Variants in ASTN2 observed in about 807,000 individuals in gnomAD.
The protein encoded by ASTN2 is astrotactin 2.
ASTN2 carries 54 observed loss-of-function variants against 139.8 expected under a neutral mutation model. That is an observed-to-expected ratio of 0.39 (90% CI 0.31 to 0.48). The LOEUF (loss-of-function observed/expected upper bound fraction) is 0.48. Among genes scored for constraint, ASTN2 ranks in the 20% least tolerant of loss-of-function variants. The pLI, the probability that ASTN2 is intolerant of heterozygous loss-of-function variation, is 0.95. For missense variants in ASTN2, 1,565 were observed against 1,725.1 expected, an observed-to-expected ratio of 0.91 and a Z score of 1.64; for synonymous variants, 756 against 719.5, an observed-to-expected ratio of 1.05 and a Z score of -0.81.
At chr9:117,330,764 T>C (rs577745315) in intron 1 of ASTN2, among the ~76,000 whole-genome samples, 2 of 152,310 alleles carry the variant, frequency 1.3e-5, no homozygotes, top group East Asian at 3.9e-4. Context: ...CCTTTCTTTG[T>C]AGCTAGTTGT....
At chr9:116,455,725 C>T (rs1239935610) in intron 20 of ASTN2, among the ~76,000 whole-genome samples, 1 of 150,986 alleles carries the variant, frequency 6.6e-6, no homozygotes, top group African/African-American at 2.4e-5. Flanking sequence ...CCCAAGCCAT[C>T]CTTAAAATCT....
At chr9:117,388,302 C>T (rs533138560) in intron 1 of ASTN2, among the ~76,000 whole-genome samples, 5 of 152,286 alleles carry the variant, frequency 3.3e-5, no homozygotes, top group East Asian at 3.9e-4. Context: ...ATATCCCAGA[C>T]GGAACATCAA....
intron 3 of ASTN2, among the ~76,000 whole-genome samples, chr9:117,199,696 T>C (rs764011625): frequency 1.3e-5 from 2 of 152,064 alleles, no homozygotes; most frequent in Non-Finnish European, 1.5e-5. Context: ...GGGAATAGCA[T>C]TGAAGCTATA....
intron 5 of ASTN2, among the ~76,000 whole-genome samples, chr9:117,059,122 G>A (rs1454303791): frequency 6.6e-6 from 1 of 152,162 alleles, no homozygotes; most frequent in Non-Finnish European, 1.5e-5. Context: ...CTTGAATAGT[G>A]GTGACACTGG....
chr9:116,691,366 C>G (rs555106278), intron 16 of ASTN2, among the ~76,000 whole-genome samples: 1 of 152,286 alleles, frequency 6.6e-6, no homozygotes, highest in African/African-American at 2.4e-5. Context: ...TTGAGTCATA[C>G]TGGCAGCGTA....
chr9:117,304,308 C>G (rs1193020677), intron 1 of ASTN2, among the ~76,000 whole-genome samples: 1 of 152,202 alleles, frequency 6.6e-6, no homozygotes, highest in Non-Finnish European at 1.5e-5. Flanking sequence ...GTTGGGCTTT[C>G]CTGCTCTGTG....
intron 21 of ASTN2, among the ~76,000 whole-genome samples, chr9:116,441,176 T>C (rs892017640): frequency 6.6e-6 from 1 of 152,138 alleles, no homozygotes; most frequent in African/African-American, 2.4e-5. Flanking sequence ...CCTCCTTCTA[T>C]TTCCCCTTTG....
chr9:116,932,580 A>C (rs1198259373), intron 10 of ASTN2, among the ~76,000 whole-genome samples: 1 of 152,072 alleles, frequency 6.6e-6, no homozygotes, highest in African/African-American at 2.4e-5. Context: ...GGAGAGTTAC[A>C]TGCATGTGCC....
At chr9:116,900,190 G>A (rs1172786536) in intron 10 of ASTN2, among the ~76,000 whole-genome samples, 1 of 152,190 alleles carries the variant, frequency 6.6e-6, no homozygotes, top group Non-Finnish European at 1.5e-5. Flanking sequence ...TGTCTGTGCA[G>A]AGGGCAAGAA....
At position 116,698,987 on chromosome 9, in the gene ASTN2, T is replaced by C. The variant is rs1297665633; in HGVS notation, c.2806+26784A>G. 3 of 1,614,064 alleles carry C rather than the reference T, an allele frequency of 1.9e-6. No homozygotes were observed. Among genetic ancestry groups the C allele is most frequent in the African/African-American group, 2.7e-5 (2 of 74,948 alleles). On this transcript the variant is annotated intron_variant, in intron 16 of 22. Transcript: ENST00000313400. This position sits in a 1 kb window ranked among gnomAD's most constrained non-coding sequence, Gnocchi z 4.4. ...TCCGCCGCAGCCCCAGTGGCATTGA[T>C]AGCTTTGTGCTAAGCTTCCTTGGGG...
chr9:117,262,995 T>G (rs1438175541), intron 2 of ASTN2, among the ~76,000 whole-genome samples: 2 of 152,184 alleles, frequency 1.3e-5, no homozygotes, highest in Non-Finnish European at 1.5e-5. Context: ...ACATTGTTGC[T>G]GACACCTTGG....
intron 4 of ASTN2, among the ~76,000 whole-genome samples, chr9:117,130,372 G>A (rs1829798936): frequency 6.6e-6 from 1 of 152,038 alleles, no homozygotes; most frequent in Admixed American, 6.6e-5. Context: ...TATATTTACT[G>A]TAATTTCTGA....
chr9:117,375,480 G>A (rs905127271), intron 1 of ASTN2, among the ~76,000 whole-genome samples: 4 of 152,140 alleles, frequency 2.6e-5, no homozygotes, highest in African/African-American at 7.2e-5. Context: ...TAACTTCCAC[G>A]AGCAAGCATT....
chr9:116,485,674 C>A (rs1310345362), intron 20 of ASTN2, among the ~76,000 whole-genome samples: 1 of 152,196 alleles, frequency 6.6e-6, no homozygotes, highest in Non-Finnish European at 1.5e-5. Flanking sequence ...GCCCAGATGT[C>A]CCACTGGAAG....
Position 117,239,350 on chromosome 9 carries a change from G to A in ASTN2, c.631-24608C>T, listed in dbSNP as rs142850059. ...TACAAGTTGGGGAGAGACAACAGGA[G>A]GAGGTGGTAAAACCTGTCCACATGT... On this transcript the variant is annotated intron_variant, in intron 2 of 22. Coordinates refer to ENST00000313400, the MANE Select transcript of ASTN2 (RefSeq NM_001365068.1). Among the ~76,000 whole-genome samples the A allele has an allele frequency of 2.3e-3, 355 of 152,268 alleles. 4 individuals are homozygous for A. The highest frequency in any genetic ancestry group is 7.9e-3 in the African/African-American group (329 of 41,536).
At chr9:117,223,790 T>C (rs3925289) in intron 2 of ASTN2, among the ~76,000 whole-genome samples, 129,003 of 152,170 alleles carry the variant, frequency 0.85, 56,937 homozygotes, top group East Asian at 1. Flanking sequence ...TATAGTTAGC[T>C]ATATTTATCT....
chr9:116,899,044 T>A (rs1833944388), intron 10 of ASTN2, among the ~76,000 whole-genome samples: 1 of 152,200 alleles, frequency 6.6e-6, no homozygotes, highest in South Asian at 2.1e-4. Flanking sequence ...TTTGATTAAA[T>A]AGACTCAGTA....
chr9:117,406,852 C>A (rs1188467278), intron 1 of ASTN2, among the ~76,000 whole-genome samples: 2 of 122,554 alleles, frequency 1.6e-5, no homozygotes, highest in Non-Finnish European at 1.7e-5. Flanking sequence ...TTGTCATTGT[C>A]CCCTAACACA....
chr9:116,558,070 C>T (rs909590593), intron 19 of ASTN2, among the ~76,000 whole-genome samples: 4 of 152,236 alleles, frequency 2.6e-5, no homozygotes, highest in Non-Finnish European at 5.9e-5. Context: ...TGTGATCCCA[C>T]TATGGACCAT....
Sources: gnomAD v4.1 joint callset for allele counts (sites outside exome capture counted in the v4.1 genomes callset) on GRCh38, gnomAD v4.1.1 for gene constraint, Gnocchi (gnomAD v3.1) non-coding constraint, MANE v1.5 for transcripts, NCBI Gene and HGNC (gene_info 2026-07-23, HGNC 2026-07-21) for gene names.